Variants in FGF14 observed in about 807,000 individuals in gnomAD.
FGF14 encodes the protein fibroblast growth factor 14.
FGF14 carries 5 observed loss-of-function variants against 25.5 expected under a neutral mutation model. The observed-to-expected ratio is 0.20, with a 90% CI of 0.10 to 0.41. The LOEUF (loss-of-function observed/expected upper bound fraction) is 0.41. FGF14 is among the 10% of genes least tolerant of loss of function. FGF14 has a pLI of 1.00. For synonymous variants in FGF14, 138 were observed against 118.3 expected (o/e 1.17, Z -1.08); for missense variants, 222 against 320.1 (o/e 0.69, Z 2.34).
chr13:101,874,485 A>G (rs1301447366), intron 2 of FGF14, among the ~76,000 whole-genome samples: 1 of 152,196 alleles, frequency 6.6e-6, no homozygotes, highest in Non-Finnish European at 1.5e-5. Flanking sequence ...TCAGATGCCA[A>G]TATAAACAGA....
intron 1 of FGF14, among the ~76,000 whole-genome samples, chr13:101,996,581 G>A (rs1210967947): frequency 6.6e-6 from 1 of 152,148 alleles, no homozygotes; most frequent in Non-Finnish European, 1.5e-5. Context: ...GTTTTGGCGT[G>A]GTTGAAATCT....
chr13:101,732,632 AAAC>A (rs2035887157), intron 3 of FGF14, among the ~76,000 whole-genome samples: 1 of 151,782 alleles, frequency 6.6e-6, no homozygotes, highest in Non-Finnish European at 1.5e-5. Context: ...GTATAATATT[AAAC>A]AACAAAGGGT....
At chr13:101,932,749 A>G (rs1357261409) in intron 1 of FGF14, among the ~76,000 whole-genome samples, 11 of 137,570 alleles carry the variant, frequency 8.0e-5, no homozygotes, top group African/African-American at 2.9e-4. Context: ...CCCTTTTAAA[A>G]TTACAGTAAA....
intron 1 of FGF14, among the ~76,000 whole-genome samples, chr13:102,021,389 G>C (rs370332893): frequency 6.6e-6 from 1 of 151,936 alleles, no homozygotes; most frequent in Admixed American, 6.6e-5. Context: ...GGTGGATATC[G>C]TGAACTCCTC....
rs113108503 is a variant in FGF14 at position 101,937,790 on chromosome 13, G to A, written c.209-62494C>T. On this transcript the variant is annotated intron_variant, in intron 1 of 4. Coordinates refer to the FGF14 transcript ENST00000376131. Reference sequence around the variant, plus strand: ...ATTTTTTGTATTTTTAGTAGAGACAGGGTTTCACCATGTTGGCCAGGCTGG... The same window carrying A: ...ATTTTTTGTATTTTTAGTAGAGACAAGGTTTCACCATGTTGGCCAGGCTGG... Among the ~76,000 whole-genome samples the A allele has an allele frequency of 8.1e-3, 1,225 of 152,168 alleles. 18 individuals are homozygous for A. The highest frequency in any genetic ancestry group is 0.028 in the African/African-American group (1,171 of 41,516).
chr13:102,162,947 G>A (rs2047842195), intron 1 of FGF14, among the ~76,000 whole-genome samples: 1 of 152,136 alleles, frequency 6.6e-6, no homozygotes, highest in Non-Finnish European at 1.5e-5. Context: ...CGACACTAAG[G>A]GAGAAAATGA....
intron 1 of FGF14, among the ~76,000 whole-genome samples, chr13:101,972,220 C>T (rs2037641127): frequency 6.6e-6 from 1 of 152,206 alleles, no homozygotes; most frequent in Admixed American, 6.5e-5. Flanking sequence ...CAGCACGTAG[C>T]TCATTCCCAT....
intron 1 of FGF14, among the ~76,000 whole-genome samples, chr13:102,351,474 G>A (rs1176506739): frequency 6.6e-6 from 1 of 152,196 alleles, no homozygotes; most frequent in African/African-American, 2.4e-5. Context: ...AGGGTTTTGT[G>A]GGTGTATTAG....
chr13:102,090,659 C>T (rs1487051462), intron 1 of FGF14, among the ~76,000 whole-genome samples: 1 of 152,212 alleles, frequency 6.6e-6, no homozygotes. Context: ...CCTCTGCGTG[C>T]CTTTTTCGCT....
rs184728257 is a variant in FGF14, at chr13:102,250,779, A to T, written c.208+150692T>A. Among the ~76,000 whole-genome samples, 221 of 152,348 alleles carry T rather than the reference A, an allele frequency of 1.5e-3. 1 individual carries two copies. Among genetic ancestry groups the T allele is most frequent in the African/African-American group, 5.0e-3 (207 of 41,584 alleles). On this transcript the variant is annotated intron_variant, in intron 1 of 4. Coordinates refer to the FGF14 transcript ENST00000376131. The stretch of plus-strand genomic sequence containing the variant: ...AACAGAGTTTGAAAAGCATTGTTCT[A>T]GACATTTGGCATATTACTAAATCTC...
At chr13:102,287,108 C>A (rs1187618397) in intron 1 of FGF14, among the ~76,000 whole-genome samples, 1 of 151,904 alleles carries the variant, frequency 6.6e-6, no homozygotes, top group Non-Finnish European at 1.5e-5. Flanking sequence ...GCACATGTAC[C>A]CTAGAACTTA....
upstream of FGF14, chr13:102,401,829 G>GA: frequency 1.4e-6 from 1 of 713,156 alleles, no homozygotes; most frequent in Non-Finnish European, 2.4e-6. Context: ...AAGGGTTGGA[G>GA]AAAAAATCCT....
At chr13:102,310,681 C>G (rs1411030463) in intron 1 of FGF14, among the ~76,000 whole-genome samples, 8 of 35,810 alleles carry the variant, frequency 2.2e-4, no homozygotes, top group East Asian at 1.2e-3. Flanking sequence ...CTCTCTCTCT[C>G]TCTCTGTGTG....
At chr13:101,840,858 T>C (rs940021231) in intron 3 of FGF14, among the ~76,000 whole-genome samples, 5 of 151,974 alleles carry the variant, frequency 3.3e-5, no homozygotes, top group African/African-American at 9.7e-5. Flanking sequence ...CTAACTGAGT[T>C]CAGTAGTTTT....
At chr13:101,914,894 T>G (rs2033311260) in intron 1 of FGF14, among the ~76,000 whole-genome samples, 2 of 152,214 alleles carry the variant, frequency 1.3e-5, no homozygotes, top group Admixed American at 1.3e-4. Flanking sequence ...AAGCACAATT[T>G]AAGTCATAAT....
chr13:101,771,229 A>G (rs200389428), intron 3 of FGF14, among the ~76,000 whole-genome samples: 2 of 152,256 alleles, frequency 1.3e-5, no homozygotes, highest in East Asian at 3.9e-4. Flanking sequence ...GTATTTCATT[A>G]GCAGTGTGGT....
intron 1 of FGF14, among the ~76,000 whole-genome samples, chr13:102,139,455 T>A (rs1260985152): frequency 6.6e-6 from 1 of 152,022 alleles, no homozygotes; most frequent in African/African-American, 2.4e-5. Flanking sequence ...GCAGGATTAG[T>A]ATAATGATTA....
intron 3 of FGF14, among the ~76,000 whole-genome samples, chr13:101,729,452 C>G (rs2035661531): frequency 6.6e-6 from 1 of 152,038 alleles, no homozygotes; most frequent in African/African-American, 2.4e-5. Flanking sequence ...AAATGGGAAG[C>G]AATGGAGCAG....
intron 1 of FGF14, among the ~76,000 whole-genome samples, chr13:102,255,335 T>G (rs189039412): frequency 6.2e-4 from 94 of 152,210 alleles, no homozygotes; most frequent in African/African-American, 2.3e-3. Flanking sequence ...CCACAAAACA[T>G]GAACCAAAAA....
Sources: gnomAD v4.1 joint callset for allele counts (sites outside exome capture counted in the v4.1 genomes callset) on GRCh38, gnomAD v4.1.1 for gene constraint, MANE v1.5 for transcripts, NCBI Gene and HGNC (gene_info 2026-07-23, HGNC 2026-07-21) for gene names.